The following NAALADL2 variants were observed in gnomAD, a reference collection of about 807,000 sequenced individuals.
NAALADL2 encodes the protein inactive N-acetylated-alpha-linked acidic dipeptidase-like protein 2.
NAALADL2 carries 76 observed loss-of-function variants against 87.2 expected under a neutral mutation model. The ratio of observed to expected loss-of-function variants is 0.87; its 90% confidence interval spans 0.72 to 1.05. NAALADL2 has a LOEUF of 1.05. Among genes scored for constraint, NAALADL2 ranks in the 50% least tolerant of loss-of-function variants. The probability of loss-of-function intolerance (pLI) is 0.00; values close to 1 mark genes in which losing one functional copy is unlikely to be tolerated. For missense variants in NAALADL2, 1,089 were observed against 945.8 expected (o/e 1.15, Z -1.99); for synonymous variants, 354 against 331.0 (o/e 1.07, Z -0.75).
At chr3:174,929,365 G>T (rs1433616544) in intron 1 of NAALADL2, among the ~76,000 whole-genome samples, 1 of 152,134 alleles carries the variant, frequency 6.6e-6, no homozygotes, top group African/African-American at 2.4e-5. Flanking sequence ...AATGATGAAT[G>T]ACACAGCCAG....
At chr3:174,676,684 C>A (rs1034275891) in intron 2 of NAALADL2, among the ~76,000 whole-genome samples, 2 of 151,718 alleles carry the variant, frequency 1.3e-5, no homozygotes, top group Non-Finnish European at 2.9e-5. Context: ...CTTTACATCA[C>A]AAAATAAATG....
chr3:175,721,274 G>T (rs1233389183), intron 11 of NAALADL2, among the ~76,000 whole-genome samples: 1 of 151,826 alleles, frequency 6.6e-6, no homozygotes, highest in African/African-American at 2.4e-5. Flanking sequence ...AAAGAACAGG[G>T]GAAAAACTCA....
chr3:174,627,608 G>C (rs868026996), intron 2 of NAALADL2, among the ~76,000 whole-genome samples: 1 of 152,202 alleles, frequency 6.6e-6, no homozygotes, highest in African/African-American at 2.4e-5. Flanking sequence ...CAAAGGAAAA[G>C]AAATCATTTT....
At chr3:175,341,809 A>G (rs1762594164) in intron 5 of NAALADL2, among the ~76,000 whole-genome samples, 1 of 152,106 alleles carries the variant, frequency 6.6e-6, no homozygotes, top group Non-Finnish European at 1.5e-5. Flanking sequence ...TTGTAGTTTT[A>G]GCTCTCACAT....
intron 2 of NAALADL2, among the ~76,000 whole-genome samples, chr3:174,633,239 T>G (rs1337052796): frequency 6.6e-6 from 1 of 152,130 alleles, no homozygotes; most frequent in African/African-American, 2.4e-5. Context: ...TCAGATACAT[T>G]TATGTTTTTT....
chr3:175,269,525 G>A (rs1752482242), intron 4 of NAALADL2, among the ~76,000 whole-genome samples: 1 of 152,126 alleles, frequency 6.6e-6, no homozygotes, highest in East Asian at 1.9e-4. Context: ...TGTTGTGTAC[G>A]GGATCATTCC....
chr3:174,926,038 G>A (rs1241737161), intron 1 of NAALADL2, among the ~76,000 whole-genome samples: 1 of 152,166 alleles, frequency 6.6e-6, no homozygotes, highest in Non-Finnish European at 1.5e-5. Context: ...GAAAACCATG[G>A]CACGAGAACT....
chr3:175,315,385 G>A (rs1180369408), intron 4 of NAALADL2, among the ~76,000 whole-genome samples: 1 of 152,068 alleles, frequency 6.6e-6, no homozygotes, highest in Non-Finnish European at 1.5e-5. Context: ...AATGTAATGT[G>A]AAATATTTAT....
At chr3:175,348,177 G>A (rs1763357744) in intron 5 of NAALADL2, among the ~76,000 whole-genome samples, 1 of 152,000 alleles carries the variant, frequency 6.6e-6, no homozygotes, top group Non-Finnish European at 1.5e-5. Context: ...TCAGCCTCCT[G>A]AGTAGCTGGG....
At chr3:174,987,938 C>T (rs961833381) in intron 1 of NAALADL2, among the ~76,000 whole-genome samples, 5 of 151,174 alleles carry the variant, frequency 3.3e-5, no homozygotes, top group Non-Finnish European at 5.9e-5. Context: ...TCCCAAAGTG[C>T]TGGAGTTACA....
intron 2 of NAALADL2, among the ~76,000 whole-genome samples, chr3:174,730,856 A>C (rs997800219): frequency 6.6e-6 from 1 of 152,108 alleles, no homozygotes; most frequent in African/African-American, 2.4e-5. Flanking sequence ...TTTTTGGTAC[A>C]TTACAGCCCT....
At chr3:174,509,278 T>TTATTAGTC (rs1560021717) in intron 1 of NAALADL2, among the ~76,000 whole-genome samples, 1 of 152,130 alleles carries the variant, frequency 6.6e-6, no homozygotes, top group Non-Finnish European at 1.5e-5. Context: ...CAGAGATGCT[T>TTATTAGTC]TATTAGTCTT....
intron 9 of NAALADL2, among the ~76,000 whole-genome samples, chr3:175,501,518 C>A (rs1729546327): frequency 6.6e-6 from 1 of 151,684 alleles, no homozygotes; most frequent in African/African-American, 2.4e-5. Flanking sequence ...GGGTCAGCCC[C>A]ATTTTAATAC....
chr3:174,692,774 T>C (rs565902456), intron 2 of NAALADL2, among the ~76,000 whole-genome samples: 29 of 152,184 alleles, frequency 1.9e-4, no homozygotes, highest in African/African-American at 7.0e-4. Flanking sequence ...GTGTTGTTTA[T>C]ATTTCATATG....
chr3:174,531,782 C>A (rs185294562), intron 1 of NAALADL2, among the ~76,000 whole-genome samples: 101 of 152,216 alleles, frequency 6.6e-4, no homozygotes, highest in African/African-American at 1.8e-3. Flanking sequence ...TATTTCTCTG[C>A]TGGGCCTACG....
At chr3:174,974,754 C>T (rs73881577) in intron 1 of NAALADL2, among the ~76,000 whole-genome samples, 3,102 of 152,036 alleles carry the variant, frequency 0.02, 89 homozygotes, top group African/African-American at 0.071. Context: ...AGGCTTTCCT[C>T]GGTCATTGCA....
chr3:174,818,971 C>G (rs1334106687), intron 3 of NAALADL2, among the ~76,000 whole-genome samples: 1 of 143,300 alleles, frequency 7.0e-6, no homozygotes, highest in Non-Finnish European at 1.5e-5. Flanking sequence ...TTGTTTGTTT[C>G]TTTCTTAAAA....
intron 1 of NAALADL2, among the ~76,000 whole-genome samples, chr3:174,974,561 TA>T (rs1744113269): frequency 6.6e-6 from 1 of 152,138 alleles, no homozygotes; most frequent in Non-Finnish European, 1.5e-5. Flanking sequence ...AGGCACATAG[TA>T]GGAATTCCAC....
At chr3:174,556,895 C>G (rs1712895143) in intron 2 of NAALADL2, among the ~76,000 whole-genome samples, 1 of 152,070 alleles carries the variant, frequency 6.6e-6, no homozygotes, top group African/African-American at 2.4e-5. Flanking sequence ...TACACATAAT[C>G]ATGCTTCACC....
Sources: gnomAD v4.1 joint callset for allele counts (sites outside exome capture counted in the v4.1 genomes callset) on GRCh38, gnomAD v4.1.1 for gene constraint, MANE v1.5 for transcripts, NCBI Gene and HGNC (gene_info 2026-07-23, HGNC 2026-07-21) for gene names.